The following ITGA7 variants were observed in gnomAD, a reference collection of about 807,000 sequenced individuals.
The protein encoded by ITGA7 is integrin subunit alpha 7, also known as integrin alpha-7.
Under a neutral mutation model 131.6 loss-of-function variants are expected in ITGA7, and 84 were observed. That is an observed-to-expected ratio of 0.64 (90% confidence interval 0.54 to 0.77). The LOEUF (loss-of-function observed/expected upper bound fraction) is 0.77. Ranked by LOEUF, ITGA7 falls within the 30% of genes least tolerant of loss-of-function variation. The probability of loss-of-function intolerance (pLI) is 0.00; values close to 1 mark genes in which losing one functional copy is unlikely to be tolerated. For synonymous variants in ITGA7, 548 were observed against 600.7 expected (o/e 0.91, Z 1.28); for missense variants, 1,399 against 1,482.9 (o/e 0.94, Z 0.93).
upstream of ITGA7, among the ~76,000 whole-genome samples, chr12:55,711,477 CA>C (rs34371136): frequency 8.3e-3 from 1,161 of 139,648 alleles, 11 homozygotes; most frequent in African/African-American, 0.028. Context: ...GACTCTGCCT[CA>C]AAAAAAAAAA....
intron 21 of ITGA7, 131 bp from the exon 22 acceptor site, chr12:55,689,088 C>T (rs192554080): frequency 1.2e-4 from 83 of 690,124 alleles, no homozygotes; most frequent in Admixed American, 9.4e-4. Context: ...ATCTTATATC[C>T]AAAATAGCTG....
chr12:55,709,222 C>T (rs1018983276), upstream of ITGA7, among the ~76,000 whole-genome samples: 1 of 152,146 alleles, frequency 6.6e-6, no homozygotes, highest in African/African-American at 2.4e-5. Flanking sequence ...TGTCTCTGCC[C>T]TTCAAACACT....
rs1592432508 is a variant in ITGA7, at chr12:55,694,657, A to G, written c.2235T>C (p.His745=). 6.2e-7 allele frequency: 1 copy of G among 1,614,128 alleles called. No individual in the cohort carries two copies. The highest frequency in any genetic ancestry group is 1.7e-5 in the Admixed American group (1 of 60,018). Reference sequence around the variant, plus strand: ...TGGGGTTCCCCAGCTCACACTCAACATGGGAGGCATTCTCATTGGACAGGC... The same window carrying G: ...TGGGGTTCCCCAGCTCACACTCAACGTGGGAGGCATTCTCATTGGACAGGC... ...PLCLSNENAS[H]VECELGNPMK... is the part of the protein sequence containing the mutation. The change falls in exon 16 of 25, where the codon CAT becomes CAC. Residue 745 remains histidine, a synonymous_variant. Transcript: ENST00000257879. This position sits in a 1 kb window ranked among gnomAD's most constrained non-coding sequence, Gnocchi z 5.3.
At position 55,700,239 on chromosome 12, in the gene ITGA7, C is replaced by A; in HGVS notation, c.671-250G>T. The A allele has an allele frequency of 1.9e-6, 3 of 1,594,168 alleles. No individual in the cohort carries two copies. In the South Asian group the frequency reaches 3.4e-5, roughly 18 times the overall value. On this transcript the variant is annotated intron_variant, in intron 4 of 24. Transcript: ENST00000257879. ...AGAGGAGCAGAGGGTTAGAGCAGTT[C>A]TGGGCCGGGGAGAGGTCCCTACCAA... is the stretch of plus-strand genomic sequence containing the variant.
rs557172442 is a variant in ITGA7 at position 55,700,003 on chromosome 12, G to A, written c.671-14C>T. On this transcript the variant is annotated splice_polypyrimidine_tract_variant and intron_variant, in intron 4 of 24. Transcript: ENST00000257879. The stretch of plus-strand genomic sequence containing the variant: ...CAAAAAGCAACCCTGTGGGGGGTGG[G>A]GTGAGACACCAGGGAGGGGACATCC... The A allele has an allele frequency of 2.5e-6, 4 of 1,613,904 alleles. No homozygotes were observed. Among genetic ancestry groups the A allele is most frequent in the Admixed American group, 3.3e-5 (2 of 60,012 alleles).
chr12:55,697,704 A>G lies in ITGA7; in HGVS notation c.1400T>C (p.Val467Ala). Residue 467 changes from valine (V) to alanine (A), a missense_variant, in exon 9 of 25, where the codon GTG (valine) becomes GCG (alanine). Val to Ala is a moderately conservative substitution (Grantham distance 64). Transcript: ENST00000257879. ...LLVGSLADTA[V>A]LFRARPILHV... is the part of the protein sequence containing the mutation. ...GTTGAGAGGGGCTCACCTGAAGAGC[A>G]CTGCGGTGTCAGCCAGGGAGCCCAC... 1 of 1,614,166 alleles carries G rather than the reference A, an allele frequency of 6.2e-7. No individual in the cohort carries two copies. The highest frequency in any genetic ancestry group is 8.5e-7 in the Non-Finnish European group (1 of 1,180,014).
chr12:55,702,978 G>A (rs764090405), intron 2 of ITGA7, 27 bp from the exon 3 acceptor site: 2 of 1,613,234 alleles, frequency 1.2e-6, no homozygotes, highest in Non-Finnish European at 1.7e-6. Context: ...GGGAATTAGG[G>A]GAGGGAAGAG....
chr12:55,695,012 C>G lies in ITGA7; in HGVS notation c.2004-42G>C, dbSNP rs774369903. The G allele has an allele frequency of 2.1e-5, 33 of 1,585,976 alleles. No individual in the cohort carries two copies. The Admixed American group carries it at 4.1e-4, about 19-fold the overall frequency. ...CACTCCTGCTAAGTTCTGAACACCTCCCCCTACCATTCCCCCGCCCAGTCT... is the reference window on the plus strand; with the variant it reads ...CACTCCTGCTAAGTTCTGAACACCTGCCCCTACCATTCCCCCGCCCAGTCT... On this transcript the variant is annotated intron_variant, in intron 14 of 24. Coordinates refer to ENST00000257879, the MANE Select transcript of ITGA7 (RefSeq NM_002206.3).
At position 55,685,193 on chromosome 12, in the gene ITGA7, C is replaced by T. The variant is rs1191041464; in HGVS notation, c.3279G>A (p.Glu1093=). 1 of 1,614,206 alleles carries T rather than the reference C, an allele frequency of 6.2e-7. No homozygotes were observed. The highest frequency in any genetic ancestry group is 1.1e-5 in the South Asian group (1 of 91,088). The change falls in exon 25 of 25, where the codon GAG becomes GAA. Residue 1093 remains glutamate, a synonymous_variant. Transcript: ENST00000257879. ...IPREDRQQFK[E]EKTGTILRNN... ...TCCTCAGGATGGTGCCCGTCTTCTC[C>T]TCCTTGAACTGCTGTCGGTCTTCCC... is the stretch of plus-strand genomic sequence containing the variant.
At chr12:55,695,089 C>A in intron 14 of ITGA7, 119 bp from the exon 15 acceptor site, 1 of 963,956 alleles carries the variant, frequency 1.0e-6, no homozygotes, top group South Asian at 1.5e-5. Context: ...CACCCCAGGT[C>A]CCCATCACAC....
chr12:55,698,863 A>G lies in ITGA7; in HGVS notation c.845T>C (p.Val282Ala). 1 of 1,613,972 alleles carries G rather than the reference A, an allele frequency of 6.2e-7. No individual in the cohort carries two copies. The highest frequency in any genetic ancestry group is 1.1e-5 in the South Asian group (1 of 91,076). The change falls in exon 6 of 25, where the codon GTG becomes GCG. Residue 282 changes from valine to alanine, a missense_variant. Val to Ala is a moderately conservative substitution (Grantham distance 64). Coordinates refer to ENST00000257879, the MANE Select transcript of ITGA7 (RefSeq NM_002206.3). The part of the protein sequence containing the change: ...GLVRAEELSF[V>A]AGAPRANHKG... ...GTGGTTGGCGCGGGGGGCTCCAGCC[A>G]CAAAGCTCAGCTCTTCTGCACGCAC...
At position 55,688,722 on chromosome 12, in the gene ITGA7, CA is replaced by C. The variant is rs35887029; in HGVS notation, c.2958+121del. On this transcript the variant is annotated intron_variant, in intron 22 of 24. Coordinates refer to ENST00000257879, the MANE Select transcript of ITGA7 (RefSeq NM_002206.3). The stretch of plus-strand genomic sequence containing the variant: ...TGGGGGACAAAGGAAGACTCCGTCT[CA>C]AAAAAAAAAAAAAGGGGGGGGATGC... 0.44 allele frequency: 266,551 copies of C among 603,528 alleles called. 20,408 individuals carry two copies. Among genetic ancestry groups the C allele is most frequent in the East Asian group, 0.58 (16,031 of 27,776 alleles). 37.4% of individuals were successfully genotyped at this position (603,528 alleles called of 1,614,324 possible).
intron 21 of ITGA7, among the ~76,000 whole-genome samples, chr12:55,690,764 C>G (rs1252942582): frequency 6.6e-6 from 1 of 150,478 alleles, no homozygotes; most frequent in Non-Finnish European, 1.5e-5. Flanking sequence ...AAATGTGGCA[C>G]ATATACACCA....
Position 55,701,475 on chromosome 12 carries a change from A to G in ITGA7, c.415-321T>C, listed in dbSNP as rs560737805. On this transcript the variant is annotated intron_variant, in intron 3 of 24. Coordinates refer to ENST00000257879, the MANE Select transcript of ITGA7 (RefSeq NM_002206.3). ...ACATAGGATGTGTGTCTCCCTGATC[A>G]TGTCACAGTCCTCCAAAATGCCAAG... is the stretch of plus-strand genomic sequence containing the variant. 6 of 1,523,194 alleles carry G rather than the reference A, an allele frequency of 3.9e-6. No homozygotes were observed. The East Asian group carries it at 9.8e-5, about 25-fold the overall frequency. 94.4% of individuals were successfully genotyped at this position (1,523,194 alleles called of 1,614,324 possible).
At chr12:55,705,990 C>T (rs1280657193) in intron 1 of ITGA7, among the ~76,000 whole-genome samples, 1 of 152,128 alleles carries the variant, frequency 6.6e-6, no homozygotes, top group East Asian at 1.9e-4. Flanking sequence ...CAGCAGAGCA[C>T]CCCCTGCTGG....
chr12:55,712,007 G>A, upstream of ITGA7: 1 of 1,390,342 alleles, frequency 7.2e-7, no homozygotes, highest in Non-Finnish European at 1.0e-6. Context: ...TATGTCCCAA[G>A]GTCAGGCTTT....
rs759045274 is a variant in ITGA7 at position 55,701,424 on chromosome 12, G to A, written c.415-270C>T. ...ATCTCCTTGTTCCACATTCTGCCTG[G>A]AGCCAAAAGACACAATTAAGCCACC... On this transcript the variant is annotated intron_variant, in intron 3 of 24. Transcript: ENST00000257879. 5 of 1,551,644 alleles carry A rather than the reference G, an allele frequency of 3.2e-6. No individual in the cohort carries two copies. The South Asian group carries it at 5.9e-5, about 18-fold the overall frequency.
At chr12:55,704,198 TCTC>T (rs1179259489) in intron 1 of ITGA7, among the ~76,000 whole-genome samples, 5 of 152,116 alleles carry the variant, frequency 3.3e-5, no homozygotes, top group Non-Finnish European at 5.9e-5. Flanking sequence ...CCCACACTCT[TCTC>T]CTCCATCTCC....
chr12:55,702,303 T>C (rs939069969), intron 3 of ITGA7, among the ~76,000 whole-genome samples: 1 of 151,658 alleles, frequency 6.6e-6, no homozygotes, highest in African/African-American at 2.4e-5. Flanking sequence ...CCTCAGCCTC[T>C]CTGAGTAGCT....
Sources: allele counts gnomAD v4.1 joint callset (sites outside exome capture counted in the v4.1 genomes callset), GRCh38; gene constraint gnomAD v4.1.1; non-coding constraint Gnocchi (gnomAD v3.1); transcripts MANE v1.5; gene names NCBI Gene and HGNC (gene_info 2026-07-23, HGNC 2026-07-21).